Variants in RBFOX1 observed in about 807,000 individuals in gnomAD.
RBFOX1 encodes the protein RNA binding protein fox-1 homolog 1.
A neutral mutation model predicts 57.7 loss-of-function variants in RBFOX1; 8 were observed. That is an observed-to-expected ratio of 0.14 (90% confidence interval 0.08 to 0.25). The LOEUF is 0.25. Among genes scored for constraint, RBFOX1 ranks in the 10% least tolerant of loss-of-function variants. The pLI, the probability that RBFOX1 is intolerant of heterozygous loss-of-function variation, is 1.00. For missense variants in RBFOX1, 611 were observed against 548.5 expected (o/e 1.11, Z -1.14); for synonymous variants, 326 against 222.4 (o/e 1.47, Z -4.15).
At chr16:5,999,432 C>T (rs985523447) in intron 4 of RBFOX1, among the ~76,000 whole-genome samples, 1 of 152,174 alleles carries the variant, frequency 6.6e-6, no homozygotes, top group Non-Finnish European at 1.5e-5. Context: ...TACTTATTTG[C>T]AGGATCATTT....
chr16:6,571,965 C>G (rs189686360), intron 2 of RBFOX1, among the ~76,000 whole-genome samples: 9 of 152,066 alleles, frequency 5.9e-5, no homozygotes, highest in Non-Finnish European at 1.0e-4. Context: ...TACTCCTTGC[C>G]TGTGTTAACA....
chr16:7,210,894 C>T (rs1408138719), intron 4 of RBFOX1, among the ~76,000 whole-genome samples: 1 of 151,280 alleles, frequency 6.6e-6, no homozygotes, highest in African/African-American at 2.4e-5. Flanking sequence ...AGGGTAGATT[C>T]TAGGTACTCT....
At chr16:6,454,803 C>A (rs1427866531) in intron 2 of RBFOX1, among the ~76,000 whole-genome samples, 6 of 150,764 alleles carry the variant, frequency 4.0e-5, no homozygotes, top group Non-Finnish European at 8.8e-5. Context: ...TGCTTCTTCC[C>A]ATTTCCATGT....
At chr16:5,292,646 A>G (rs1441844870) in intron 1 of RBFOX1, among the ~76,000 whole-genome samples, 1 of 151,976 alleles carries the variant, frequency 6.6e-6, no homozygotes, top group African/African-American at 2.4e-5. Flanking sequence ...TTATTTATTT[A>G]TTTAATCTCT....
chr16:6,988,255 C>G lies in RBFOX1; in HGVS notation c.-15-63802C>G, dbSNP rs184274573. Among the ~76,000 whole-genome samples the G allele has an allele frequency of 7.6e-4, 116 of 152,274 alleles. 1 individual carries two copies. The highest frequency in any genetic ancestry group is 3.6e-3 in the Admixed American group (55 of 15,292). On this transcript the variant is annotated intron_variant, in intron 3 of 15. Transcript: ENST00000550418. ...TTCCTGCTGGTTTTTCCAGGCAGGA[C>G]TTTCTCCTCTCAGCAAAGCCCTATA...
chr16:6,926,873 T>C (rs990673216), intron 3 of RBFOX1, among the ~76,000 whole-genome samples: 2 of 152,144 alleles, frequency 1.3e-5, no homozygotes, highest in African/African-American at 4.8e-5. Context: ...TATTTTTCAC[T>C]TAGAACCTGC....
At chr16:7,706,979 G>T (rs570871424) in intron 14 of RBFOX1, among the ~76,000 whole-genome samples, 1 of 152,086 alleles carries the variant, frequency 6.6e-6, no homozygotes, top group Non-Finnish European at 1.5e-5. Context: ...AAGGATAATC[G>T]TTGATTAAAG....
chr16:7,524,890 T>C (rs1219285995), intron 5 of RBFOX1, among the ~76,000 whole-genome samples: 1 of 152,220 alleles, frequency 6.6e-6, no homozygotes, highest in Non-Finnish European at 1.5e-5. Flanking sequence ...GTTCAGGGCA[T>C]TCCTTTTGAC....
chr16:6,465,655 A>T (rs953913583), intron 2 of RBFOX1, among the ~76,000 whole-genome samples: 1 of 139,480 alleles, frequency 7.2e-6, no homozygotes, highest in Non-Finnish European at 1.5e-5. Flanking sequence ...TCCTTAAATT[A>T]AGCGCTATTG....
chr16:5,753,103 T>C (rs1289585879), intron 3 of RBFOX1, among the ~76,000 whole-genome samples: 1 of 151,700 alleles, frequency 6.6e-6, no homozygotes, highest in South Asian at 2.1e-4. Flanking sequence ...GAGACTGCAG[T>C]GAGCTGTGAT....
At chr16:7,638,420 A>G (rs1410181855) in intron 11 of RBFOX1, among the ~76,000 whole-genome samples, 2 of 12,826 alleles carry the variant, frequency 1.6e-4, no homozygotes, top group African/African-American at 1.7e-4. Context: ...TACTCTCTCA[A>G]CTTACCCCAG....
chr16:7,106,291 A>T (rs1165443509), intron 4 of RBFOX1, among the ~76,000 whole-genome samples: 1 of 152,196 alleles, frequency 6.6e-6, no homozygotes, highest in Admixed American at 6.5e-5. Context: ...ATCTCTAGAA[A>T]TTACTGTCAT....
intron 4 of RBFOX1, among the ~76,000 whole-genome samples, chr16:7,291,645 G>C (rs1312647243): frequency 6.6e-6 from 1 of 151,950 alleles, no homozygotes; most frequent in African/African-American, 2.4e-5. Context: ...GCGTTTGTTT[G>C]GGGGAATGTT....
intron 4 of RBFOX1, among the ~76,000 whole-genome samples, chr16:5,877,335 C>T (rs1451461020): frequency 6.6e-6 from 1 of 152,194 alleles, no homozygotes; most frequent in Non-Finnish European, 1.5e-5. Context: ...CTTTTTTCTG[C>T]TCTCAAGGAG....
chr16:7,500,988 C>CT (rs1458498208), intron 4 of RBFOX1, among the ~76,000 whole-genome samples: 1 of 152,176 alleles, frequency 6.6e-6, no homozygotes, highest in East Asian at 1.9e-4. Flanking sequence ...GTCCTTCCTG[C>CT]TGCCATGTGA....
At chr16:7,050,509 A>C (rs999475189) in intron 3 of RBFOX1, among the ~76,000 whole-genome samples, 2 of 151,668 alleles carry the variant, frequency 1.3e-5, no homozygotes, top group Admixed American at 6.6e-5. Context: ...CACATGATCC[A>C]CCCGCCTTGG....
At chr16:5,654,584 A>G (rs1170949279) in intron 3 of RBFOX1, among the ~76,000 whole-genome samples, 2 of 152,014 alleles carry the variant, frequency 1.3e-5, no homozygotes, top group Non-Finnish European at 2.9e-5. Flanking sequence ...CTGGATGTGA[A>G]AACACCCTGT....
At chr16:6,836,482 T>C (rs1009449643) in intron 3 of RBFOX1, among the ~76,000 whole-genome samples, 1 of 152,228 alleles carries the variant, frequency 6.6e-6, no homozygotes, top group African/African-American at 2.4e-5. Flanking sequence ...TATCTTGCTT[T>C]CTGTATCACT....
chr16:5,976,422 G>A (rs1461444170), intron 4 of RBFOX1, among the ~76,000 whole-genome samples: 1 of 152,146 alleles, frequency 6.6e-6, no homozygotes, highest in Non-Finnish European at 1.5e-5. Flanking sequence ...AAACTATTTG[G>A]CCTTAGAACC....
Sources: gnomAD v4.1 joint callset for allele counts (sites outside exome capture counted in the v4.1 genomes callset) on GRCh38, gnomAD v4.1.1 for gene constraint, MANE v1.5 for transcripts, NCBI Gene and HGNC (gene_info 2026-07-23, HGNC 2026-07-21) for gene names.